The following PDE3B variants were observed in gnomAD, a reference collection of about 807,000 sequenced individuals.
PDE3B encodes the protein phosphodiesterase 3B, also known as cGMP-inhibited 3',5'-cyclic phosphodiesterase 3B.
A neutral mutation model predicts 116.8 loss-of-function variants in PDE3B; 66 were observed. The observed-to-expected ratio is 0.56, with a 90% CI of 0.46 to 0.69. PDE3B has a LOEUF of 0.69. PDE3B is among the 30% of genes least tolerant of loss of function. The probability of loss-of-function intolerance (pLI) is 0.00; values close to 1 mark genes in which losing one functional copy is unlikely to be tolerated. For missense variants in PDE3B, 1,384 were observed against 1,368.1 expected, an observed-to-expected ratio of 1.01 and a Z score of -0.18; for synonymous variants, 595 against 533.6, an observed-to-expected ratio of 1.12 and a Z score of -1.59.
At chr11:14,892,329 A>G in the PDE3B span, 2 of 916,912 alleles carry the variant, frequency 2.2e-6, no homozygotes, top group African/African-American at 3.3e-5. Context: ...CCATTGGCTG[A>G]CTGAGTGAGC....
intron 1 of PDE3B, among the ~76,000 whole-genome samples, chr11:14,722,379 C>G (rs181646456): frequency 6.6e-6 from 1 of 151,438 alleles, no homozygotes; most frequent in Non-Finnish European, 1.5e-5. Flanking sequence ...CCATCTGTGT[C>G]AACTGGCAGA....
At chr11:14,884,180 G>A in the PDE3B span, among the ~76,000 whole-genome samples, 3 of 151,810 alleles carry the variant, frequency 2.0e-5, no homozygotes, top group African/African-American at 7.3e-5. Flanking sequence ...CCCATTACTG[G>A]GTATATACCC....
intron 4 of PDE3B, among the ~76,000 whole-genome samples, chr11:14,796,024 T>G (rs1858540653): frequency 1.3e-5 from 2 of 152,084 alleles, no homozygotes; most frequent in African/African-American, 4.8e-5. Flanking sequence ...ATCCCTCCTC[T>G]AGTCCCCCAC....
chr11:14,664,009 G>C (rs1297718852), intron 1 of PDE3B, among the ~76,000 whole-genome samples: 3 of 152,134 alleles, frequency 2.0e-5, no homozygotes, highest in East Asian at 1.9e-4. Context: ...TGACCACATA[G>C]TTGGAAGTAA....
chr11:14,894,156 A>G, the PDE3B span, among the ~76,000 whole-genome samples: 5 of 152,208 alleles, frequency 3.3e-5, no homozygotes, highest in Admixed American at 1.3e-4. Flanking sequence ...CAGCCACAGA[A>G]TATCTACCTA....
the PDE3B span, among the ~76,000 whole-genome samples, chr11:14,882,459 T>G: frequency 6.6e-6 from 1 of 152,064 alleles, no homozygotes; most frequent in Non-Finnish European, 1.5e-5. Flanking sequence ...TAGAGAAATA[T>G]GTGCACATGG....
Position 14,661,624 on chromosome 11 carries a change from G to C in PDE3B, c.978+16571G>C, listed in dbSNP as rs190546492. On this transcript the variant is annotated intron_variant, in intron 1 of 15. Coordinates refer to ENST00000282096, the MANE Select transcript of PDE3B (RefSeq NM_000922.4). ...CACCCTAATACTGCGCTTTTCCGACGGGCTTAAAAAACGGCGCACCACAAG... is the reference window on the plus strand; with the variant it reads ...CACCCTAATACTGCGCTTTTCCGACCGGCTTAAAAAACGGCGCACCACAAG... Among the ~76,000 whole-genome samples, 569 of 152,270 alleles carry C rather than the reference G, an allele frequency of 3.7e-3. 2 individuals are homozygous for C. Among genetic ancestry groups the C allele is most frequent in the Non-Finnish European group, 5.6e-3 (379 of 68,004 alleles).
At chr11:14,864,343 CA>C in intron 14 of PDE3B, among the ~76,000 whole-genome samples, 1 of 152,212 alleles carries the variant, frequency 6.6e-6, no homozygotes, top group Non-Finnish European at 1.5e-5. Context: ...CAGACTCCCA[CA>C]AAATAATAGT....
intron 12 of PDE3B, among the ~76,000 whole-genome samples, chr11:14,844,380 T>C (rs1384591459): frequency 6.6e-6 from 1 of 152,222 alleles, no homozygotes; most frequent in Non-Finnish European, 1.5e-5. Flanking sequence ...TAGGAACAGC[T>C]CTGGTCTACA....
chr11:14,785,821 AT>A (rs768130277), intron 2 of PDE3B, among the ~76,000 whole-genome samples: 6 of 151,852 alleles, frequency 4.0e-5, no homozygotes, highest in Non-Finnish European at 8.8e-5. Context: ...ACTATAACAT[AT>A]TTTTCTTTAT....
intron 1 of PDE3B, among the ~76,000 whole-genome samples, chr11:14,761,078 C>T (rs1857348657): frequency 6.6e-6 from 1 of 152,020 alleles, no homozygotes; most frequent in African/African-American, 2.4e-5. Context: ...GTGCTAGACT[C>T]TTTAATCACA....
chr11:14,667,074 C>T (rs1056119677), intron 1 of PDE3B, among the ~76,000 whole-genome samples: 7 of 152,118 alleles, frequency 4.6e-5, no homozygotes, highest in African/African-American at 7.2e-5. Flanking sequence ...GAAAATATGG[C>T]ACATATACAC....
downstream of PDE3B, among the ~76,000 whole-genome samples, chr11:14,873,252 A>G (rs1177029821): frequency 6.6e-6 from 1 of 152,222 alleles, no homozygotes; most frequent in African/African-American, 2.4e-5. Flanking sequence ...CTGTTCTGCC[A>G]TTACCCAGTG....
At chr11:14,654,525 A>G (rs150107084) in intron 1 of PDE3B, among the ~76,000 whole-genome samples, 2 of 152,314 alleles carry the variant, frequency 1.3e-5, no homozygotes, top group African/African-American at 4.8e-5. Flanking sequence ...TTTACCACTG[A>G]AAGTACATAC....
chr11:14,817,047 T>C (rs920113109), intron 5 of PDE3B, among the ~76,000 whole-genome samples: 1 of 152,150 alleles, frequency 6.6e-6, no homozygotes, highest in African/African-American at 2.4e-5. Context: ...CAAATGTCCA[T>C]CAGTGATAGA....
At chr11:14,709,615 G>C (rs1159320831) in intron 1 of PDE3B, among the ~76,000 whole-genome samples, 1 of 152,180 alleles carries the variant, frequency 6.6e-6, no homozygotes, top group African/African-American at 2.4e-5. Flanking sequence ...AGATTTGTGT[G>C]TGTTCTGGCT....
At chr11:14,772,416 T>G (rs946350789) in intron 2 of PDE3B, 1 of 152,672 alleles carries the variant, frequency 6.5e-6, no homozygotes, top group Admixed American at 6.6e-5. Context: ...CCAACTTTCA[T>G]TTTTTGGTAA....
chr11:14,748,517 A>G (rs1856974787), intron 1 of PDE3B, among the ~76,000 whole-genome samples: 3 of 152,192 alleles, frequency 2.0e-5, no homozygotes, highest in Non-Finnish European at 1.5e-5. Context: ...TGTGAAATAC[A>G]TAATTGCTAA....
chr11:14,692,360 C>T (rs145136510), intron 1 of PDE3B, among the ~76,000 whole-genome samples: 117 of 152,130 alleles, frequency 7.7e-4, no homozygotes, highest in African/African-American at 2.3e-3. Flanking sequence ...TGTTTTGGTG[C>T]AGTGCTCTTA....
Sources: gnomAD v4.1 joint callset for allele counts (sites outside exome capture counted in the v4.1 genomes callset) on GRCh38, gnomAD v4.1.1 for gene constraint, MANE v1.5 for transcripts, NCBI Gene and HGNC (gene_info 2026-07-23, HGNC 2026-07-21) for gene names.